GABRG3: variants seen among roughly 807,000 people sequenced by gnomAD.
GABRG3 encodes gamma-aminobutyric acid type A receptor subunit gamma3.
In GABRG3, 25 loss-of-function variants were observed where a neutral mutation model predicts 48.8. That is an observed-to-expected ratio of 0.51 (90% CI 0.37 to 0.72). GABRG3 has a LOEUF of 0.72. Ranked by LOEUF, GABRG3 falls within the 30% of genes least tolerant of loss-of-function variation. GABRG3 has a pLI of 0.00. For missense variants in GABRG3, 394 were observed against 577.9 expected, an observed-to-expected ratio of 0.68 and a Z score of 3.26; for synonymous variants, 227 against 217.6, an observed-to-expected ratio of 1.04 and a Z score of -0.38.
intron 7 of GABRG3, among the ~76,000 whole-genome samples, chr15:27,524,095 A>C (rs925902634): frequency 1.3e-5 from 2 of 152,124 alleles, no homozygotes; most frequent in Non-Finnish European, 2.9e-5. Flanking sequence ...CATCATAATC[A>C]AACTCTTAAA....
At position 27,467,076 on chromosome 15, in the gene GABRG3, A is replaced by G. The variant is rs116406404; in HGVS notation, c.575-13574A>G. ...AAAAACTGGGTGGCTTAAACCACCA[A>G]CATGCATTTCTCACAGTTCTGGAGG... On this transcript the variant is annotated intron_variant, in intron 5 of 9. Transcript: ENST00000615808. Among the ~76,000 whole-genome samples, 833 of 152,274 alleles carry G rather than the reference A, an allele frequency of 5.5e-3. 7 individuals are homozygous for G. Among genetic ancestry groups the G allele is most frequent in the African/African-American group, 0.019 (799 of 41,558 alleles).
chr15:27,338,128 C>G (rs530691937), intron 5 of GABRG3, among the ~76,000 whole-genome samples: 2 of 152,094 alleles, frequency 1.3e-5, no homozygotes, highest in Non-Finnish European at 2.9e-5. Context: ...CCGAGCTGGT[C>G]GGGAATGTGG....
chr15:27,001,374 A>C (rs1895443696), intron 2 of GABRG3, among the ~76,000 whole-genome samples: 1 of 152,152 alleles, frequency 6.6e-6, no homozygotes, highest in Non-Finnish European at 1.5e-5. Context: ...GCCACTGAGC[A>C]CCGTCCAGCC....
At chr15:27,009,939 C>G (rs1895655123) in intron 2 of GABRG3, among the ~76,000 whole-genome samples, 2 of 151,210 alleles carry the variant, frequency 1.3e-5, no homozygotes, top group African/African-American at 4.9e-5. Context: ...CTTCTTTCTT[C>G]ATTCTTCTTT....
chr15:27,148,855 A>G (rs996148628), intron 3 of GABRG3, among the ~76,000 whole-genome samples: 3 of 152,036 alleles, frequency 2.0e-5, no homozygotes, highest in African/African-American at 4.8e-5. Flanking sequence ...TCTTAACCCA[A>G]TAAATGTAAC....
intron 3 of GABRG3, among the ~76,000 whole-genome samples, chr15:27,238,084 G>T (rs1890029050): frequency 6.6e-6 from 1 of 150,950 alleles, no homozygotes; most frequent in Non-Finnish European, 1.5e-5. Context: ...ACTGGACCTG[G>T]TGTGATGGGA....
At chr15:27,258,080 C>T (rs1335680959) in intron 3 of GABRG3, among the ~76,000 whole-genome samples, 3 of 152,128 alleles carry the variant, frequency 2.0e-5, no homozygotes, top group African/African-American at 7.2e-5. Context: ...GCCCTGCTGT[C>T]CTTGCTAATG....
chr15:27,088,524 A>G (rs1476880835), intron 3 of GABRG3, among the ~76,000 whole-genome samples: 1 of 152,100 alleles, frequency 6.6e-6, no homozygotes, highest in Non-Finnish European at 1.5e-5. Context: ...GTGAAGAACT[A>G]TCTGAGACTG....
At chr15:27,218,425 C>G (rs1323255581) in intron 3 of GABRG3, among the ~76,000 whole-genome samples, 1 of 152,188 alleles carries the variant, frequency 6.6e-6, no homozygotes, top group Non-Finnish European at 1.5e-5. Context: ...TCTTTCTGCA[C>G]TTGTTGATTC....
At position 27,434,373 on chromosome 15, in the gene GABRG3, G is replaced by T. The variant is rs77365815; in HGVS notation, c.575-46277G>T. On this transcript the variant is annotated intron_variant, in intron 5 of 9. Coordinates refer to ENST00000615808, the MANE Select transcript of GABRG3 (RefSeq NM_033223.5). ...AATTCAAGCACAGAGCAAAAGAAAC[G>T]TTTAACTTACACAAAGAGGTCTGTA... Among the ~76,000 whole-genome samples the T allele has an allele frequency of 7.2e-5, 11 of 152,250 alleles. No individual in the cohort carries two copies. In the East Asian group the frequency reaches 2.1e-3, roughly 29 times the overall value.
chr15:27,026,780 A>G lies in GABRG3; in HGVS notation c.229A>G (p.Ile77Val). 8.1e-6 allele frequency: 13 copies of G among 1,611,966 alleles called. No homozygotes were observed. Among genetic ancestry groups the G allele is most frequent in the Non-Finnish European group, 1.0e-5 (12 of 1,179,380 alleles). The change falls in exon 3 of 10, where the codon ATT becomes GTT. Residue 77 changes from isoleucine (I) to valine (V), a missense_variant. Around this residue, in one of 3 missense-constraint regions of GABRG3, gnomAD observed 218 missense variants for 309.9 expected, o/e 0.70. Coordinates refer to ENST00000615808, the MANE Select transcript of GABRG3 (RefSeq NM_033223.5). ...AAAACCGACCGTAATTGACGTTGAC[A>G]TTTATGTTAACAGCATTGGTCCTGT... is the stretch of plus-strand genomic sequence containing the variant. ...GIKPTVIDVD[I>V]YVNSIGPVSS...
At chr15:27,255,245 C>T (rs1264286547) in intron 3 of GABRG3, among the ~76,000 whole-genome samples, 2 of 152,214 alleles carry the variant, frequency 1.3e-5, no homozygotes, top group Admixed American at 6.5e-5. Context: ...ACCCTTCTGC[C>T]TCTTACCCCC....
Position 27,234,109 on chromosome 15 carries a change from T to G in GABRG3, c.271-92700T>G, listed in dbSNP as rs140282889. On this transcript the variant is annotated intron_variant, in intron 3 of 9. Coordinates refer to ENST00000615808, the MANE Select transcript of GABRG3 (RefSeq NM_033223.5). The stretch of plus-strand genomic sequence containing the variant: ...AAAAATAAGGAATAAAATTCTGTAA[T>G]TATGTTGAAAAGGAAACCAAAAATC... Among the ~76,000 whole-genome samples the G allele has an allele frequency of 9.0e-3, 1,373 of 152,306 alleles. 19 individuals carry two copies. Among genetic ancestry groups the G allele is most frequent in the African/African-American group, 0.031 (1,291 of 41,554 alleles).
At chr15:27,471,482 T>C (rs989985554) in intron 5 of GABRG3, among the ~76,000 whole-genome samples, 1 of 152,198 alleles carries the variant, frequency 6.6e-6, no homozygotes, top group African/African-American at 2.4e-5. Flanking sequence ...TTTCATTGGT[T>C]TCATAAAGGC....
chr15:27,460,351 T>G (rs1889411585), intron 5 of GABRG3, among the ~76,000 whole-genome samples: 1 of 152,160 alleles, frequency 6.6e-6, no homozygotes, highest in African/African-American at 2.4e-5. Context: ...TGAGCCAGAC[T>G]GGGGTCTGCT....
At chr15:27,491,867 T>C (rs1890364078) in intron 6 of GABRG3, among the ~76,000 whole-genome samples, 2 of 152,210 alleles carry the variant, frequency 1.3e-5, no homozygotes, top group Non-Finnish European at 2.9e-5. Context: ...ATGCGGGCTA[T>C]TTAGGCAGTA....
intron 5 of GABRG3, among the ~76,000 whole-genome samples, chr15:27,411,835 A>G (rs1425112467): frequency 2.6e-5 from 4 of 152,148 alleles, no homozygotes; most frequent in Non-Finnish European, 5.9e-5. Flanking sequence ...TTATGTACTG[A>G]TGGCTACACC....
chr15:27,028,951 G>A (rs8043185), intron 3 of GABRG3, among the ~76,000 whole-genome samples: 117 of 152,166 alleles, frequency 7.7e-4, no homozygotes, highest in African/African-American at 2.2e-3. Flanking sequence ...GGTGAGAAAC[G>A]ACCTTAGAAT....
intron 3 of GABRG3, among the ~76,000 whole-genome samples, chr15:27,227,347 T>C (rs1003442273): frequency 3.3e-5 from 5 of 151,976 alleles, no homozygotes; most frequent in Non-Finnish European, 7.4e-5. Flanking sequence ...AAAAGTTACC[T>C]GGGCCTGGGC....
Sources: gnomAD v4.1 joint callset for allele counts (sites outside exome capture counted in the v4.1 genomes callset) on GRCh38, gnomAD v4.1.1 for gene constraint, gnomAD v4.1.1 regional missense constraint, MANE v1.5 for transcripts, NCBI Gene and HGNC (gene_info 2026-07-23, HGNC 2026-07-21) for gene names.